MAST4: variants seen among roughly 807,000 people sequenced by gnomAD.
MAST4 encodes microtubule-associated serine/threonine-protein kinase 4.
A neutral mutation model predicts 162.7 loss-of-function variants in MAST4; 89 were observed. That is an observed-to-expected ratio of 0.55 (90% CI 0.46 to 0.65). The LOEUF (loss-of-function observed/expected upper bound fraction) is 0.65. MAST4 is among the 30% of genes least tolerant of loss of function. The pLI, the probability that MAST4 is intolerant of heterozygous loss-of-function variation, is 0.00. For missense variants in MAST4, 3,153 were observed against 3,374.0 expected (o/e 0.93, Z 1.62); for synonymous variants, 1,479 against 1,361.1 (o/e 1.09, Z -1.91).
At chr5:66,736,856 A>G (rs764149523) in intron 1 of MAST4, among the ~76,000 whole-genome samples, 3 of 152,226 alleles carry the variant, frequency 2.0e-5, no homozygotes, top group Non-Finnish European at 4.4e-5. Context: ...GTACACTTAC[A>G]TATGATGAAT....
intron 3 of MAST4, among the ~76,000 whole-genome samples, chr5:66,811,039 C>T (rs1007808582): frequency 2.0e-5 from 3 of 152,144 alleles, no homozygotes; most frequent in African/African-American, 7.2e-5. Context: ...CAATGGCTTT[C>T]GGGAATAGAG....
At chr5:66,706,589 AATG>A (rs1448561973) in intron 1 of MAST4, among the ~76,000 whole-genome samples, 1 of 141,632 alleles carries the variant, frequency 7.1e-6, no homozygotes, top group Non-Finnish European at 1.5e-5. Flanking sequence ...TGTTCTGAGT[AATG>A]ATGAAAGAAA....
chr5:66,732,630 C>T (rs1373922342), intron 1 of MAST4, among the ~76,000 whole-genome samples: 1 of 152,180 alleles, frequency 6.6e-6, no homozygotes, highest in Non-Finnish European at 1.5e-5. Context: ...GATATGTAGG[C>T]AATCAACATT....
At chr5:66,625,914 T>A (rs572858555) in intron 1 of MAST4, among the ~76,000 whole-genome samples, 10 of 152,042 alleles carry the variant, frequency 6.6e-5, no homozygotes, top group Non-Finnish European at 1.3e-4. Flanking sequence ...GTAAAGAAAA[T>A]GTGGTATATA....
chr5:67,129,574 AT>A (rs1384679501), intron 14 of MAST4, among the ~76,000 whole-genome samples: 2 of 152,064 alleles, frequency 1.3e-5, no homozygotes, highest in Non-Finnish European at 2.9e-5. Flanking sequence ...CAAGCAAAAA[AT>A]TAGCTGGGCA....
In MAST4 at chr5:67,110,190, A is replaced by G. The variant is rs781393162; in HGVS notation, c.1449A>G (p.Leu483=). The G allele has an allele frequency of 6.2e-7, 1 of 1,612,520 alleles. No homozygotes were observed. Among genetic ancestry groups the G allele is most frequent in the Non-Finnish European group, 8.5e-7 (1 of 1,178,564 alleles). ...TTATTGCCCGCCCTGCTCGGTTATT[A>G]GAGTGCCTGGTAAGTTGCCCCTTGA... ...LIVIARPARL[L]ECLEFDPEEF... is the part of the protein sequence containing the mutation. The change falls in exon 11 of 29, where the codon TTA becomes TTG. Residue 483 remains leucine (L), a synonymous_variant. Coordinates refer to ENST00000403625, the MANE Select transcript of MAST4 (RefSeq NM_001164664.2).
At chr5:67,010,150 C>G (rs932349892) in intron 4 of MAST4, among the ~76,000 whole-genome samples, 5 of 152,082 alleles carry the variant, frequency 3.3e-5, no homozygotes, top group African/African-American at 1.2e-4. Context: ...ATATTTATTC[C>G]TTCATTCAGC....
chr5:66,838,520 C>G (rs1758190130), intron 3 of MAST4, among the ~76,000 whole-genome samples: 1 of 152,142 alleles, frequency 6.6e-6, no homozygotes, highest in East Asian at 1.9e-4. Context: ...GAATATGACA[C>G]TGACCTGTGA....
At chr5:66,675,826 C>T (rs1176909832) in intron 1 of MAST4, among the ~76,000 whole-genome samples, 3 of 152,146 alleles carry the variant, frequency 2.0e-5, no homozygotes, top group African/African-American at 7.2e-5. Flanking sequence ...ACACCAGCTG[C>T]GTCTACATGA....
chr5:66,948,250 A>G (rs1744262422), intron 4 of MAST4, among the ~76,000 whole-genome samples: 1 of 152,158 alleles, frequency 6.6e-6, no homozygotes, highest in African/African-American at 2.4e-5. Flanking sequence ...ACCGAGTTCC[A>G]AAGGACCAAA....
In MAST4 at chr5:67,165,017, C is replaced by T; in HGVS notation, c.5838C>T (p.His1946=). 1.2e-6 allele frequency: 2 copies of T among 1,613,320 alleles called. No individual in the cohort carries two copies. The highest frequency in any genetic ancestry group is 1.1e-5 in the South Asian group (1 of 90,958). The change falls in exon 29 of 29, where the codon CAC becomes CAT. Residue 1946 remains histidine (H), a synonymous_variant. Transcript: ENST00000403625. Reference sequence around the variant, plus strand: ...TGACCTGCCTGGGGCAGAACCTCCACAGCCCTGACCTGGCCAGGCCACGCT... The same window carrying T: ...TGACCTGCCTGGGGCAGAACCTCCATAGCCCTGACCTGGCCAGGCCACGCT... ...KLLTCLGQNL[H]SPDLARPRCP... is the part of the protein sequence containing the mutation.
At position 67,137,246 on chromosome 5, in the gene MAST4, T is replaced by C. The variant is rs190937031; in HGVS notation, c.2494+582T>C. 1.1e-4 allele frequency among the ~76,000 whole-genome samples: 17 copies of C among 152,292 alleles called. No individual in the cohort carries two copies. The East Asian group carries it at 2.9e-3, about 26-fold the overall frequency. Reference sequence around the variant, plus strand: ...CCACTGTCTTTCAGGATTAACGAGATAGTAGATTTGTTTCTTGCTGATTAT... The same window carrying C: ...CCACTGTCTTTCAGGATTAACGAGACAGTAGATTTGTTTCTTGCTGATTAT... On this transcript the variant is annotated intron_variant, in intron 19 of 28. Transcript: ENST00000403625.
At chr5:66,939,873 C>G (rs1273647739) in intron 4 of MAST4, among the ~76,000 whole-genome samples, 1 of 151,974 alleles carries the variant, frequency 6.6e-6, no homozygotes, top group Non-Finnish European at 1.5e-5. Flanking sequence ...ATACTGTAGT[C>G]TATTAAGTGT....
chr5:66,718,269 T>TTG (rs1750978813), intron 1 of MAST4, among the ~76,000 whole-genome samples: 1 of 152,074 alleles, frequency 6.6e-6, no homozygotes, highest in African/African-American at 2.4e-5. Flanking sequence ...TTTTTTGTTT[T>TTG]TTTGTTTTCA....
In MAST4 at chr5:67,054,639, GT is replaced by G; in HGVS notation, c.763+149del. On this transcript the variant is annotated intron_variant, in intron 5 of 28. Coordinates refer to ENST00000403625, the MANE Select transcript of MAST4 (RefSeq NM_001164664.2). The stretch of plus-strand genomic sequence containing the variant: ...ATCCCTAAGTTGTTCTTTGCGATAT[GT>G]TAGCCCAGATCTTATCCTCTCTGTT... 3 of 698,324 alleles carry G rather than the reference GT, an allele frequency of 4.3e-6. No individual in the cohort carries two copies. In the South Asian group the frequency reaches 6.6e-5, roughly 15 times the overall value. 43.3% of individuals were successfully genotyped at this position (698,324 alleles called of 1,614,324 possible). A position where few individuals can be genotyped will look rare whatever the true frequency, so the allele number is the denominator to read the frequency against.
intron 4 of MAST4, among the ~76,000 whole-genome samples, chr5:66,920,348 A>G (rs1308162759): frequency 6.6e-6 from 1 of 152,202 alleles, no homozygotes; most frequent in African/African-American, 2.4e-5. Flanking sequence ...TATTTTAAAT[A>G]TAATTATGTG....
chr5:67,165,149 T>C lies in MAST4; in HGVS notation c.5970T>C (p.Ala1990=), dbSNP rs755575994. The C allele has an allele frequency of 2.5e-5, 40 of 1,595,968 alleles. No individual in the cohort carries two copies. The highest frequency in any genetic ancestry group is 3.4e-5 in the Non-Finnish European group (40 of 1,171,120). The change falls in exon 29 of 29, where the codon GCT becomes GCC. Residue 1990 remains alanine (A), a synonymous_variant. Coordinates refer to ENST00000403625, the MANE Select transcript of MAST4 (RefSeq NM_001164664.2). The part of the protein sequence containing the change: ...TARSERSAAR[A]DTCREPSMEL... ...GAAGCGAGCGCTCTGCTGCGAGGGC[T>C]GACACATGCAGAGAGCCCTCCATGG...
chr5:66,710,707 T>C (rs1428846768), intron 1 of MAST4, among the ~76,000 whole-genome samples: 1 of 152,204 alleles, frequency 6.6e-6, no homozygotes, highest in Admixed American at 6.5e-5. Context: ...GGACCCGCCG[T>C]CTGGGTTGTC....
At chr5:67,047,362 C>T (rs1048175374) in intron 4 of MAST4, among the ~76,000 whole-genome samples, 3 of 152,168 alleles carry the variant, frequency 2.0e-5, no homozygotes, top group Admixed American at 1.3e-4. Context: ...GCTCTCTGCA[C>T]GCCTGCCATG....
Sources: allele counts gnomAD v4.1 joint callset (sites outside exome capture counted in the v4.1 genomes callset), GRCh38; gene constraint gnomAD v4.1.1; transcripts MANE v1.5; gene names NCBI Gene and HGNC (gene_info 2026-07-23, HGNC 2026-07-21).